The following LAMA2 variants were observed in gnomAD, a reference collection of about 807,000 sequenced individuals.
LAMA2 encodes laminin subunit alpha-2.
Under a neutral mutation model 364.8 loss-of-function variants are expected in LAMA2, and 269 were observed. That is an observed-to-expected ratio of 0.74 (90% CI 0.67 to 0.82). The LOEUF is 0.82. Among genes scored for constraint, LAMA2 ranks in the 40% least tolerant of loss-of-function variants. The pLI is 0.00. For missense variants in LAMA2, 3,807 were observed against 3,873.2 expected, an observed-to-expected ratio of 0.98 and a Z score of 0.45; for synonymous variants, 1,379 against 1,370.6, an observed-to-expected ratio of 1.01 and a Z score of -0.14.
At chr6:129,333,572 G>T (rs1339002125) in intron 29 of LAMA2, among the ~76,000 whole-genome samples, 1 of 152,034 alleles carries the variant, frequency 6.6e-6, no homozygotes, top group Admixed American at 6.6e-5. Context: ...TGATATTATT[G>T]ACTAAATAAA....
chr6:129,124,476 T>C (rs918317326), intron 4 of LAMA2, among the ~76,000 whole-genome samples: 2 of 152,150 alleles, frequency 1.3e-5, no homozygotes, highest in African/African-American at 4.8e-5. Flanking sequence ...CCACTGTGAG[T>C]GGAGGCATCA....
intron 12 of LAMA2, among the ~76,000 whole-genome samples, chr6:129,232,394 G>A (rs1784718862): frequency 1.3e-5 from 2 of 152,012 alleles, no homozygotes; most frequent in South Asian, 2.1e-4. Flanking sequence ...TTAAATGTAA[G>A]CCTTCCTTTC....
Position 129,010,583 on chromosome 6 carries a change from C to A in LAMA2, c.113-39335C>A, listed in dbSNP as rs140710079. On this transcript the variant is annotated intron_variant, in intron 1 of 64. Transcript: ENST00000421865. ...GGAAAAGGTGACTCTAAGGTCATAA[C>A]GTGAAATTGACTTTACCCTTCCTGG... 2.6e-5 allele frequency among the ~76,000 whole-genome samples: 4 copies of A among 152,298 alleles called. No individual in the cohort carries two copies. In the South Asian group the frequency reaches 6.2e-4, roughly 24 times the overall value.
chr6:129,114,540 GTTTGT>G (rs1388783808), intron 4 of LAMA2, among the ~76,000 whole-genome samples: 1 of 151,868 alleles, frequency 6.6e-6, no homozygotes, highest in African/African-American at 2.4e-5. Flanking sequence ...TTGCTTGTTT[GTTTGT>G]TTTGTTTTAA....
At chr6:128,990,137 C>G (rs577721722) in intron 1 of LAMA2, among the ~76,000 whole-genome samples, 11 of 152,314 alleles carry the variant, frequency 7.2e-5, no homozygotes, top group Admixed American at 2.0e-4. Flanking sequence ...AGGTATCTTA[C>G]AGAGATATGT....
At chr6:129,033,962 A>G (rs1458343318) in intron 1 of LAMA2, among the ~76,000 whole-genome samples, 1 of 151,760 alleles carries the variant, frequency 6.6e-6, no homozygotes, top group Non-Finnish European at 1.5e-5. Flanking sequence ...TACAAGTGGA[A>G]CATAAACCAA....
chr6:129,304,987 C>T (rs778062816), intron 22 of LAMA2, among the ~76,000 whole-genome samples: 6 of 152,070 alleles, frequency 3.9e-5, no homozygotes, highest in Non-Finnish European at 8.8e-5. Flanking sequence ...TTATCCTTAA[C>T]GGTTTTTAGA....
intron 43 of LAMA2, chr6:129,442,749 T>A (rs1396127107): frequency 2.5e-6 from 1 of 392,958 alleles, no homozygotes; most frequent in South Asian, 2.3e-5. Flanking sequence ...CCTTTTGTCA[T>A]ATCTCTGTTT....
At position 129,312,971 on chromosome 6, in the gene LAMA2, A is replaced by G. The variant is rs1369428970; in HGVS notation, c.3285A>G (p.Arg1095=). 6.2e-7 allele frequency: 1 copy of G among 1,614,142 alleles called. No homozygotes were observed. ...FSGAKCTECS[R]GHWNYPRCNL... is the part of the protein sequence containing the mutation. ...GTGCAAAATGTACAGAGTGCAGTCG[A>G]GGTCACTGGAACTACCCTCGCTGCA... is the stretch of plus-strand genomic sequence containing the variant. Residue 1095 remains arginine (R), a synonymous_variant, in exon 23 of 65, where the codon CGA becomes CGG. Transcript: ENST00000421865.
At chr6:128,922,220 C>G (rs1778784354) in intron 1 of LAMA2, among the ~76,000 whole-genome samples, 1 of 151,122 alleles carries the variant, frequency 6.6e-6, no homozygotes, top group Non-Finnish European at 1.5e-5. Context: ...TGGGTATATA[C>G]CCAGTAATGG....
intron 35 of LAMA2, among the ~76,000 whole-genome samples, chr6:129,383,869 T>C (rs1307317925): frequency 1.3e-5 from 2 of 152,216 alleles, no homozygotes; most frequent in African/African-American, 4.8e-5. Context: ...AGTCCTTAAA[T>C]ATCTGTTAAA....
Position 128,883,279 on chromosome 6 carries a change from C to T in LAMA2, c.34C>T (p.Leu12=). 6.4e-7 allele frequency: 1 copy of T among 1,570,568 alleles called. No individual in the cohort carries two copies. The highest frequency in any genetic ancestry group is 1.2e-5 in the South Asian group (1 of 85,614). ...AGCCGCCGGGGTCCTCCTCCTTCTG[C>T]TGCTCTCCGGAGGCCTCGGGGGCGT... ...PGAAGVLLLL[L]LSGGLGGVQA... The change falls in exon 1 of 65, where the codon CTG becomes TTG. Residue 12 remains leucine, a synonymous_variant. Transcript: ENST00000421865.
At chr6:129,155,380 T>C (rs1237419764) in intron 8 of LAMA2, among the ~76,000 whole-genome samples, 4 of 152,170 alleles carry the variant, frequency 2.6e-5, no homozygotes, top group African/African-American at 9.6e-5. Flanking sequence ...AGTCATTCTA[T>C]ATCATCTCTA....
At chr6:129,241,439 C>A (rs1045322852) in intron 12 of LAMA2, among the ~76,000 whole-genome samples, 5 of 152,156 alleles carry the variant, frequency 3.3e-5, no homozygotes, top group Admixed American at 6.6e-5. Flanking sequence ...AACAGTATGA[C>A]AACATTTATT....
intron 19 of LAMA2, among the ~76,000 whole-genome samples, chr6:129,290,442 T>A (rs1207558690): frequency 1.3e-5 from 2 of 152,192 alleles, no homozygotes; most frequent in Non-Finnish European, 2.9e-5. Flanking sequence ...TGCTGGAAGA[T>A]AAATTAAGCA....
chr6:128,946,880 T>C (rs1780517087), intron 1 of LAMA2, among the ~76,000 whole-genome samples: 1 of 152,230 alleles, frequency 6.6e-6, no homozygotes, highest in South Asian at 2.1e-4. Flanking sequence ...CCATTGAATA[T>C]CACAATTAAT....
intron 4 of LAMA2, among the ~76,000 whole-genome samples, chr6:129,128,074 A>T (rs769549732): frequency 7.2e-5 from 11 of 152,160 alleles, no homozygotes; most frequent in Non-Finnish European, 1.0e-4. Flanking sequence ...ATTATTACCC[A>T]GATCAATGTC....
intron 18 of LAMA2, among the ~76,000 whole-genome samples, chr6:129,286,523 T>C (rs1029615132): frequency 3.1e-5 from 4 of 126,994 alleles, no homozygotes; most frequent in Admixed American, 1.1e-4. Context: ...AAACAAACTT[T>C]TGTTTTTCCA....
chr6:129,159,731 G>A (rs2114985082), intron 8 of LAMA2, among the ~76,000 whole-genome samples: 1 of 152,152 alleles, frequency 6.6e-6, no homozygotes, highest in Non-Finnish European at 1.5e-5. Flanking sequence ...GATGTGAACT[G>A]CATATTTTTT....
Sources: allele counts gnomAD v4.1 joint callset (sites outside exome capture counted in the v4.1 genomes callset), GRCh38; gene constraint gnomAD v4.1.1; transcripts MANE v1.5; gene names NCBI Gene and HGNC (gene_info 2026-07-23, HGNC 2026-07-21).